RPH3A: variants seen among roughly 807,000 people sequenced by gnomAD.
RPH3A encodes the protein rabphilin-3A.
A neutral mutation model predicts 102.2 loss-of-function variants in RPH3A; 48 were observed. The observed-to-expected ratio is 0.47, with a 90% CI of 0.37 to 0.60. The LOEUF is 0.60. Ranked by LOEUF, RPH3A falls within the 20% of genes least tolerant of loss-of-function variation. The probability of loss-of-function intolerance (pLI) is 0.00; values close to 1 mark genes in which losing one functional copy is unlikely to be tolerated. For synonymous variants in RPH3A, 310 were observed against 324.3 expected (o/e 0.96, Z 0.47); for missense variants, 781 against 910.1 (o/e 0.86, Z 1.83).
At chr12:112,893,967 A>T (rs1478172548) in intron 19 of RPH3A, 1 of 152,518 alleles carries the variant, frequency 6.6e-6, no homozygotes, top group African/African-American at 2.4e-5. Flanking sequence ...GGTGAGGAGG[A>T]TGGCATAAGG....
chr12:112,578,877 C>G (rs2135957047), intron 1 of RPH3A, among the ~76,000 whole-genome samples: 1 of 152,220 alleles, frequency 6.6e-6, no homozygotes, highest in South Asian at 2.1e-4. Context: ...CAATCATTAC[C>G]ATGAAAAATT....
chr12:112,792,113 A>C (rs2041130505), intron 1 of RPH3A, 30 bp from the exon 2 acceptor site: 1 of 152,106 alleles, frequency 6.6e-6, no homozygotes, highest in Non-Finnish European at 1.5e-5. Context: ...TGGGAAGAGT[A>C]GGAGAGTCAA....
At chr12:112,813,944 G>T (rs2041626278) in intron 2 of RPH3A, among the ~76,000 whole-genome samples, 1 of 146,534 alleles carries the variant, frequency 6.8e-6, no homozygotes, top group Non-Finnish European at 1.5e-5. Flanking sequence ...GTGTTTGTAT[G>T]ATTGTGTGTG....
At position 112,865,439 on chromosome 12, in the gene RPH3A, A is replaced by G; in HGVS notation, c.256A>G (p.Met86Val). Residue 86 changes from methionine (M) to valine (V), a missense_variant, in exon 6 of 22, where the codon ATG becomes GTG. Met to Val is a conservative substitution (Grantham distance 21). This residue lies in a region of RPH3A where 730 missense variants were observed against 810.0 expected (regional missense o/e 0.90). Coordinates refer to ENST00000389385, the MANE Select transcript of RPH3A (RefSeq NM_001143854.2). ...ACGCCTGGTGGACCGCCTAGAAAAC[A>G]TGAGGAAGAACGTGGCTGGAGATGG... ...IGRLVDRLEN[M>V]RKNVAGDGVN... 6.2e-7 allele frequency: 1 copy of G among 1,614,090 alleles called. No individual in the cohort carries two copies. Among genetic ancestry groups the G allele is most frequent in the Non-Finnish European group, 8.5e-7 (1 of 1,180,008 alleles).
At chr12:112,874,199 T>C (rs1412003325) in intron 10 of RPH3A, 1 of 152,208 alleles carries the variant, frequency 6.6e-6, no homozygotes, top group Non-Finnish European at 1.5e-5. Flanking sequence ...CATCACACCT[T>C]CTGGGTACCA....
intron 5 of RPH3A, among the ~76,000 whole-genome samples, chr12:112,851,248 G>T (rs1217122262): frequency 6.6e-6 from 1 of 152,080 alleles, no homozygotes; most frequent in Non-Finnish European, 1.5e-5. Flanking sequence ...GAGAGTTTAG[G>T]TCATTTGCCC....
intron 2 of RPH3A, among the ~76,000 whole-genome samples, chr12:112,815,394 C>G (rs759895756): frequency 7.9e-5 from 12 of 152,038 alleles, no homozygotes; most frequent in African/African-American, 1.2e-4. Flanking sequence ...TATATGAGAC[C>G]CATATTTGAG....
intron 1 of RPH3A, among the ~76,000 whole-genome samples, chr12:112,768,906 C>T (rs1049411710): frequency 4.6e-5 from 7 of 152,000 alleles, no homozygotes; most frequent in Non-Finnish European, 7.4e-5. Flanking sequence ...AGCAAGACCC[C>T]GTCTCAAAAA....
At chr12:112,596,916 A>T (rs1349504192) in intron 1 of RPH3A, among the ~76,000 whole-genome samples, 2 of 152,198 alleles carry the variant, frequency 1.3e-5, no homozygotes, top group Admixed American at 1.3e-4. Flanking sequence ...GTCAGTGTAG[A>T]GGTCTTGCTC....
intron 1 of RPH3A, among the ~76,000 whole-genome samples, chr12:112,724,265 A>G (rs569444463): frequency 1.2e-4 from 18 of 152,136 alleles, no homozygotes; most frequent in African/African-American, 4.3e-4. Context: ...GGGTCTCACT[A>G]TGTTGCCCAG....
chr12:112,745,049 T>C (rs2040734876), intron 1 of RPH3A, among the ~76,000 whole-genome samples: 1 of 152,228 alleles, frequency 6.6e-6, no homozygotes, highest in Admixed American at 6.5e-5. Context: ...TTGTGCATTG[T>C]ATTGAGTTGT....
intron 1 of RPH3A, among the ~76,000 whole-genome samples, chr12:112,621,725 C>T (rs1475320969): frequency 1.3e-5 from 2 of 152,132 alleles, no homozygotes; most frequent in Non-Finnish European, 1.5e-5. Context: ...GGAGGCCTGC[C>T]TGCCACTGTA....
intron 1 of RPH3A, among the ~76,000 whole-genome samples, chr12:112,701,295 T>C (rs1217184577): frequency 6.6e-6 from 1 of 152,070 alleles, no homozygotes; most frequent in Non-Finnish European, 1.5e-5. Context: ...TAATGATAGA[T>C]GGGGGTGTGA....
intron 4 of RPH3A, 134 bp from the exon 5 acceptor site, chr12:112,847,562 T>C: frequency 1.0e-6 from 1 of 973,986 alleles, no homozygotes; most frequent in Non-Finnish European, 1.6e-6. Context: ...TGTGTCCCAT[T>C]GCAGAGAGGA....
intron 10 of RPH3A, among the ~76,000 whole-genome samples, chr12:112,870,444 T>C (rs762948485): frequency 2.0e-5 from 3 of 151,900 alleles, no homozygotes; most frequent in Non-Finnish European, 4.4e-5. Context: ...ATGGCATAGG[T>C]CAGCATGGCC....
intron 1 of RPH3A, among the ~76,000 whole-genome samples, chr12:112,636,390 C>T (rs570714788): frequency 4.4e-4 from 67 of 152,264 alleles, no homozygotes; most frequent in Non-Finnish European, 8.2e-4. Flanking sequence ...CTTGTGCCCA[C>T]CCAAACATTT....
At chr12:112,846,045 T>C (rs1284830097) in intron 4 of RPH3A, among the ~76,000 whole-genome samples, 2 of 152,002 alleles carry the variant, frequency 1.3e-5, no homozygotes, top group African/African-American at 2.4e-5. Flanking sequence ...AGCTGGAGCC[T>C]AGTGACCAGG....
At chr12:112,837,349 A>C (rs1241516588) in intron 4 of RPH3A, among the ~76,000 whole-genome samples, 1 of 152,208 alleles carries the variant, frequency 6.6e-6, no homozygotes. Flanking sequence ...AAGCTTAACC[A>C]AACAAAGTTA....
intron 1 of RPH3A, among the ~76,000 whole-genome samples, chr12:112,675,705 T>C (rs1254366014): frequency 2.0e-5 from 3 of 152,326 alleles, no homozygotes; most frequent in South Asian, 4.1e-4. Flanking sequence ...TCTGGTTGTA[T>C]CTGAAGGGCT....
Sources: allele counts gnomAD v4.1 joint callset (sites outside exome capture counted in the v4.1 genomes callset), GRCh38; gene constraint gnomAD v4.1.1; regional missense constraint gnomAD v4.1.1; transcripts MANE v1.5; gene names NCBI Gene and HGNC (gene_info 2026-07-23, HGNC 2026-07-21).